Variants in C12orf56 observed in about 807,000 individuals in gnomAD.
The protein encoded by C12orf56 is chromosome 12 open reading frame 56, also known as uncharacterized protein C12orf56.
In C12orf56, 71 loss-of-function variants were observed where a neutral mutation model predicts 69.9. The observed-to-expected ratio is 1.02, with a 90% CI of 0.84 to 1.24. C12orf56 has a LOEUF of 1.24. Among genes scored for constraint, C12orf56 ranks in the 50% most tolerant of loss-of-function variants. C12orf56 has a pLI of 0.00. For synonymous variants in C12orf56, 276 were observed against 274.1 expected, an observed-to-expected ratio of 1.01 and a Z score of -0.07; for missense variants, 732 against 738.5, an observed-to-expected ratio of 0.99 and a Z score of 0.10.
At chr12:64,363,473 A>G (rs1405255441) in intron 1 of C12orf56, among the ~76,000 whole-genome samples, 1 of 152,152 alleles carries the variant, frequency 6.6e-6, no homozygotes, top group African/African-American at 2.4e-5. Context: ...TATCATCTCG[A>G]AGCCTTGGAA....
chr12:64,370,040 G>C (rs2039549587), intron 1 of C12orf56, among the ~76,000 whole-genome samples: 1 of 149,478 alleles, frequency 6.7e-6, no homozygotes, highest in Admixed American at 6.7e-5. Flanking sequence ...TACAAAATAA[G>C]ATGCTGGCCA....
chr12:64,388,629 T>C (rs2039825423), intron 1 of C12orf56, among the ~76,000 whole-genome samples: 1 of 152,210 alleles, frequency 6.6e-6, no homozygotes, highest in African/African-American at 2.4e-5. Flanking sequence ...TTGTCTGTAG[T>C]GGATCACTTG....
chr12:64,274,817 A>G (rs2038029546), intron 11 of C12orf56, 84 bp downstream of exon 11: 1 of 1,068,598 alleles, frequency 9.4e-7, no homozygotes, highest in African/African-American at 1.6e-5. Context: ...ATCACAGGGA[A>G]AATCTGTGTT....
chr12:64,318,538 AAAATTCAGGTTAAGGTTAACTTAG>A lies in C12orf56; in HGVS notation c.894+13_894+36del. The A allele has an allele frequency of 4.1e-6, 6 of 1,445,948 alleles. No individual in the cohort carries two copies. Among genetic ancestry groups the A allele is most frequent in the Middle Eastern group, 1.9e-4 (1 of 5,316 alleles). The allele number at this position is 1,445,948 out of a possible 1,614,324, so 89.6% of individuals were successfully genotyped here. ...GTTTGCTCTAAAAAATAAAAATATA[AAAATTCAGGTTAAGGTTAACTTAG>A]GAGGACACTTACTATAATATAATTG... On this transcript the variant is annotated intron_variant, in intron 4 of 12. Coordinates refer to ENST00000543942, the MANE Select transcript of C12orf56 (RefSeq NM_001170633.2).
intron 2 of C12orf56, among the ~76,000 whole-genome samples, chr12:64,344,205 A>T (rs999628852): frequency 1.3e-5 from 2 of 152,154 alleles, no homozygotes; most frequent in African/African-American, 4.8e-5. Context: ...GATGGGAGAA[A>T]GATTCACTGC....
At chr12:64,347,963 A>G (rs11175351) in intron 2 of C12orf56, among the ~76,000 whole-genome samples, 62,035 of 152,002 alleles carry the variant, frequency 0.41, 13,258 homozygotes, top group Non-Finnish European at 0.48. Context: ...TCTGTGTGTG[A>G]ACAGATTAAC....
chr12:64,276,005 C>A (rs61630043), intron 9 of C12orf56, among the ~76,000 whole-genome samples: 3 of 128,644 alleles, frequency 2.3e-5, no homozygotes, highest in African/African-American at 7.6e-5. Context: ...ATACACACCC[C>A]CCCCCGCGAG....
At position 64,267,150 on chromosome 12, in the gene C12orf56, T is replaced by C; in HGVS notation, c.*33A>G. On this transcript the variant is annotated 3_prime_UTR_variant, in exon 13 of 13. Transcript: ENST00000543942. The stretch of plus-strand genomic sequence containing the variant: ...AAGTTGACTCTTGATTAACATTTTA[T>C]ACTCTTATTAACATTGCGTACATTG... 7.0e-7 allele frequency: 1 copy of C among 1,433,836 alleles called. No individual in the cohort carries two copies. The highest frequency in any genetic ancestry group is 9.6e-7 in the Non-Finnish European group (1 of 1,045,698). 88.8% of individuals were successfully genotyped at this position (1,433,836 alleles called of 1,614,324 possible).
At chr12:64,303,843 C>T in intron 5 of C12orf56, 64 bp from the exon 6 acceptor site, 1 of 1,485,042 alleles carries the variant, frequency 6.7e-7, no homozygotes, top group Non-Finnish European at 8.9e-7. Context: ...TTAGGAATAT[C>T]AATGATTACT....
chr12:64,313,055 T>C (rs1260777078), intron 4 of C12orf56, among the ~76,000 whole-genome samples: 1 of 151,566 alleles, frequency 6.6e-6, no homozygotes, highest in Non-Finnish European at 1.5e-5. Context: ...GGTCAGGAGA[T>C]TGAGACCATC....
intron 1 of C12orf56, 67 bp downstream of exon 1, chr12:64,390,247 G>A: frequency 6.6e-7 from 1 of 1,509,602 alleles, no homozygotes; most frequent in South Asian, 1.3e-5. Context: ...GGAGGGCTGG[G>A]TTTGGGGGCC....
chr12:64,341,174 C>T (rs2039069364), intron 2 of C12orf56, among the ~76,000 whole-genome samples: 1 of 152,120 alleles, frequency 6.6e-6, no homozygotes, highest in Non-Finnish European at 1.5e-5. Context: ...TGTTGTGTCT[C>T]CTGGTGGCAG....
chr12:64,315,101 A>G (rs914471988), intron 4 of C12orf56, among the ~76,000 whole-genome samples: 31 of 149,650 alleles, frequency 2.1e-4, no homozygotes, highest in Middle Eastern at 3.5e-3. Flanking sequence ...CCAGGCGCCC[A>G]CCACCACGGC....
chr12:64,390,719 G>A lies in C12orf56; in HGVS notation c.-154C>T. ...GACCCGGGCCGCAACTGCAGGAATCGACGCTAGGTCGGCTTCCCTGGAGCG... is the reference window on the plus strand; with the variant it reads ...GACCCGGGCCGCAACTGCAGGAATCAACGCTAGGTCGGCTTCCCTGGAGCG... On this transcript the variant is annotated 5_prime_UTR_variant, in exon 1 of 13. Coordinates refer to ENST00000543942, the MANE Select transcript of C12orf56 (RefSeq NM_001170633.2). The A allele has an allele frequency of 8.8e-7, 1 of 1,136,920 alleles. No individual in the cohort carries two copies. Among genetic ancestry groups the A allele is most frequent in the Non-Finnish European group, 1.2e-6 (1 of 861,748 alleles). The allele number at this position is 1,136,920 out of a possible 1,614,324, so 70.4% of individuals were successfully genotyped here.
chr12:64,311,230 T>C (rs2038608932), intron 5 of C12orf56, among the ~76,000 whole-genome samples: 1 of 151,412 alleles, frequency 6.6e-6, no homozygotes, highest in African/African-American at 2.4e-5. Context: ...AGGTCAGGAG[T>C]TCGAGACCAG....
chr12:64,282,702 C>T (rs989155222), intron 8 of C12orf56, among the ~76,000 whole-genome samples: 2 of 150,398 alleles, frequency 1.3e-5, no homozygotes, highest in South Asian at 4.2e-4. Context: ...CCAGGGAGGT[C>T]GAGGCTGCAG....
At chr12:64,276,727 C>T (rs2038054975) in intron 9 of C12orf56, among the ~76,000 whole-genome samples, 2 of 152,072 alleles carry the variant, frequency 1.3e-5, no homozygotes, top group African/African-American at 4.8e-5. Context: ...GGTGTGGTGG[C>T]TCATGCCTGT....
intron 2 of C12orf56, among the ~76,000 whole-genome samples, chr12:64,348,365 C>G (rs1221263558): frequency 1.3e-5 from 2 of 152,164 alleles, no homozygotes; most frequent in South Asian, 2.1e-4. Flanking sequence ...TCTTAAGGCA[C>G]TAATCTGCTC....
chr12:64,331,042 A>G lies in C12orf56; in HGVS notation c.416-10T>C. On this transcript the variant is annotated splice_polypyrimidine_tract_variant and intron_variant, in intron 2 of 12. Coordinates refer to ENST00000543942, the MANE Select transcript of C12orf56 (RefSeq NM_001170633.2). ...TTCTTTTCTTCCTTGACTTAAAAAA[A>G]AAATAGTTATTTGGTCATTAATTAA... 2 of 1,534,786 alleles carry G rather than the reference A, an allele frequency of 1.3e-6. No homozygotes were observed. The highest frequency in any genetic ancestry group is 1.8e-6 in the Non-Finnish European group (2 of 1,135,088).
Sources: gnomAD v4.1 joint callset for allele counts (sites outside exome capture counted in the v4.1 genomes callset) on GRCh38, gnomAD v4.1.1 for gene constraint, MANE v1.5 for transcripts, NCBI Gene and HGNC (gene_info 2026-07-23, HGNC 2026-07-21) for gene names.